BCL11A: variants seen among roughly 807,000 people sequenced by gnomAD.
BCL11A encodes BCL11 transcription factor A.
Under a neutral mutation model 55.9 loss-of-function variants are expected in BCL11A, and 2 were observed. That is an observed-to-expected ratio of 0.04 (90% CI 0.01 to 0.11). The LOEUF is 0.11. Ranked by LOEUF, BCL11A falls within the 10% of genes least tolerant of loss-of-function variation. The probability of loss-of-function intolerance (pLI) is 1.00; values close to 1 mark genes in which losing one functional copy is unlikely to be tolerated. For synonymous variants in BCL11A, 465 were observed against 473.4 expected (o/e 0.98, Z 0.23); for missense variants, 817 against 1,137.1 (o/e 0.72, Z 4.05).
In BCL11A at chr2:60,460,809, T is replaced by G; in HGVS notation, c.2103A>C (p.Thr701=). The change falls in exon 4 of 4, where the codon ACA becomes ACC. Residue 701 remains threonine (T), a synonymous_variant. Transcript: ENST00000642384. ...SSENGSLRFS[T]PPGELDGGIS... ...TCCCTCCGTCCAGCTCCCCGGGCGG[T>G]GTGGAGAAGCGCAAACTCCCGTTCT... is the stretch of plus-strand genomic sequence containing the variant. 6.2e-7 allele frequency: 1 copy of G among 1,612,566 alleles called. No individual in the cohort carries two copies. The highest frequency in any genetic ancestry group is 8.5e-7 in the Non-Finnish European group (1 of 1,179,938).
chr2:60,511,312 C>T (rs763323846), intron 2 of BCL11A, among the ~76,000 whole-genome samples: 2 of 152,204 alleles, frequency 1.3e-5, no homozygotes, highest in Non-Finnish European at 2.9e-5. Context: ...CCCTAGCATA[C>T]AATTTGACAG....
At chr2:60,548,718 C>T (rs1558524212) in intron 1 of BCL11A, among the ~76,000 whole-genome samples, 1 of 152,178 alleles carries the variant, frequency 6.6e-6, no homozygotes, top group Non-Finnish European at 1.5e-5. Context: ...CATCGGTCTC[C>T]TTGCAAAACA....
intron 2 of BCL11A, among the ~76,000 whole-genome samples, chr2:60,528,750 G>A (rs1271572249): frequency 6.6e-6 from 1 of 152,218 alleles, no homozygotes; most frequent in East Asian, 1.9e-4. Flanking sequence ...TGAGGCTAAT[G>A]GGAGTGTTTC....
At chr2:60,532,142 G>A (rs1016425448) in intron 2 of BCL11A, among the ~76,000 whole-genome samples, 5 of 152,002 alleles carry the variant, frequency 3.3e-5, no homozygotes, top group African/African-American at 7.3e-5. Flanking sequence ...GAAGAAATTT[G>A]CATTTTCTTT....
intron 2 of BCL11A, among the ~76,000 whole-genome samples, chr2:60,471,096 G>A (rs1447195355): frequency 1.3e-5 from 2 of 152,162 alleles, no homozygotes; most frequent in African/African-American, 4.8e-5. Context: ...CCGTCTTGGG[G>A]GAGGGTCCAG....
At chr2:60,491,988 T>C (rs1403342682) in intron 2 of BCL11A, among the ~76,000 whole-genome samples, 2 of 152,184 alleles carry the variant, frequency 1.3e-5, no homozygotes, top group African/African-American at 4.8e-5. Context: ...AAGATGGATG[T>C]AGGAAAAACA....
chr2:60,478,097 G>A (rs7570641), intron 2 of BCL11A: 38,771 of 152,180 alleles, frequency 0.25, 5,277 homozygotes, highest in Middle Eastern at 0.31. Context: ...AAGTAGCTAG[G>A]ACTACAGGCA....
Position 60,519,984 on chromosome 2 carries a change from T to C in BCL11A, c.385+25987A>G, listed in dbSNP as rs116940778. 4.6e-4 allele frequency among the ~76,000 whole-genome samples: 70 copies of C among 152,334 alleles called. No homozygotes were observed. In the East Asian group the frequency reaches 0.01, roughly 22 times the overall value. ...TCCCCTCTCTCTGGCAGGAGAATCA[T>C]GTCACTGGCAAGCAATTATTGTATC... On this transcript the variant is annotated intron_variant, in intron 2 of 3. Transcript: ENST00000642384.
At chr2:60,477,846 C>T (rs1677709467) in intron 2 of BCL11A, among the ~76,000 whole-genome samples, 1 of 152,200 alleles carries the variant, frequency 6.6e-6, no homozygotes, top group African/African-American at 2.4e-5. Flanking sequence ...AACAGGCAGC[C>T]CCAGGAAGGC....
rs745581183 is a variant in BCL11A, at chr2:60,468,726, A to G, written c.487+6T>C. 6.2e-7 allele frequency: 1 copy of G among 1,602,148 alleles called. No homozygotes were observed. Among genetic ancestry groups the G allele is most frequent in the East Asian group, 2.2e-5 (1 of 44,782 alleles). On this transcript the variant is annotated splice_donor_region_variant and intron_variant, in intron 3 of 3. Coordinates refer to ENST00000642384, the MANE Select transcript of BCL11A (RefSeq NM_022893.4). The stretch of plus-strand genomic sequence containing the variant: ...ACATTTGTAGAAGAAATAAGGCTCA[A>G]CTTACAAATACCCTGCGGGGCATAT...
intron 2 of BCL11A, among the ~76,000 whole-genome samples, chr2:60,530,890 A>G (rs1037743252): frequency 5.9e-5 from 9 of 152,054 alleles, no homozygotes; most frequent in Non-Finnish European, 1.3e-4. Flanking sequence ...CTAGACATCG[A>G]TTATGTCTGC....
rs1291988564 is a variant in BCL11A at position 60,461,129 on chromosome 2, C to G, written c.1783G>C (p.Asp595His). 6.2e-7 allele frequency: 1 copy of G among 1,610,706 alleles called. No individual in the cohort carries two copies. The highest frequency in any genetic ancestry group is 8.5e-7 in the Non-Finnish European group (1 of 1,179,022). ...CDEDSVAGES[D>H]RIDDGTVNGR... Reference sequence around the variant, plus strand: ...TTAACAGTGCCATCGTCTATGCGGTCCGACTCGCCGGCCACCGAGTCTTCG... The same window carrying G: ...TTAACAGTGCCATCGTCTATGCGGTGCGACTCGCCGGCCACCGAGTCTTCG... The change falls in exon 4 of 4, where the codon GAC becomes CAC. Residue 595 changes from aspartate to histidine, a missense_variant. Physicochemically the swap from Asp to His is moderately conservative, Grantham distance 81. Transcript: ENST00000642384.
chr2:60,520,456 T>A (rs1668928152), intron 2 of BCL11A, among the ~76,000 whole-genome samples: 1 of 152,230 alleles, frequency 6.6e-6, no homozygotes, highest in Non-Finnish European at 1.5e-5. Flanking sequence ...CCAAATTTTT[T>A]AAAATCTAGA....
chr2:60,511,044 G>C (rs1679955305), intron 2 of BCL11A, among the ~76,000 whole-genome samples: 2 of 152,202 alleles, frequency 1.3e-5, no homozygotes, highest in Non-Finnish European at 2.9e-5. Context: ...CTTCCCACTG[G>C]GGCTGTGCAG....
chr2:60,535,108 T>C (rs1669611914), intron 2 of BCL11A: 1 of 152,228 alleles, frequency 6.6e-6, no homozygotes, highest in Admixed American at 6.5e-5. Context: ...AAGGACCTAA[T>C]GGTCATTAGA....
chr2:60,521,067 G>GCACGCACA (rs1263469378), intron 2 of BCL11A, among the ~76,000 whole-genome samples: 30 of 117,772 alleles, frequency 2.5e-4, no homozygotes, highest in African/African-American at 8.1e-4. Flanking sequence ...CTAGTGGTCA[G>GCACGCACA]CACACACACA....
At chr2:60,543,273 C>A (rs1670006319) in intron 2 of BCL11A, 2 of 152,186 alleles carry the variant, frequency 1.3e-5, no homozygotes, top group Non-Finnish European at 2.9e-5. Flanking sequence ...AAAGCCTTTC[C>A]TACCCAGCAC....
downstream of BCL11A, chr2:60,452,744 A>G: frequency 8.5e-7 from 1 of 1,176,796 alleles, no homozygotes; most frequent in Non-Finnish European, 1.2e-6. Context: ...TCTGTTCTCT[A>G]ACTAGCTTTT....
At chr2:60,467,928 T>C (rs1156495709) in intron 3 of BCL11A, among the ~76,000 whole-genome samples, 1 of 124,266 alleles carries the variant, frequency 8.0e-6, no homozygotes, top group East Asian at 2.3e-4. Context: ...GTGGTGGTGG[T>C]AGTGATGGTG....
Sources: gnomAD v4.1 joint callset for allele counts (sites outside exome capture counted in the v4.1 genomes callset) on GRCh38, gnomAD v4.1.1 for gene constraint, MANE v1.5 for transcripts, NCBI Gene and HGNC (gene_info 2026-07-23, HGNC 2026-07-21) for gene names.